The following PPP6R2 variants were observed in gnomAD, a reference collection of about 807,000 sequenced individuals.
PPP6R2 encodes protein phosphatase 6 regulatory subunit 2, also known as serine/threonine-protein phosphatase 6 regulatory subunit 2.
Under a neutral mutation model 100.2 loss-of-function variants are expected in PPP6R2, and 62 were observed. That is an observed-to-expected ratio of 0.62 (90% confidence interval 0.50 to 0.76). The LOEUF is 0.76. PPP6R2 is among the 30% of genes least tolerant of loss of function. The pLI is 0.00. For missense variants in PPP6R2, 1,142 were observed against 1,276.3 expected, an observed-to-expected ratio of 0.89 and a Z score of 1.60; for synonymous variants, 525 against 514.7, an observed-to-expected ratio of 1.02 and a Z score of -0.27.
rs1603388983 is a variant in PPP6R2, at chr22:50,431,495, G to T, written c.1335+113G>T. 8.3e-5 allele frequency: 80 copies of T among 964,090 alleles called. No homozygotes were observed. The South Asian group carries it at 1.2e-3, about 15-fold the overall frequency. The allele number at this position is 964,090 out of a possible 1,614,324, so 59.7% of individuals were successfully genotyped here. ...ACTGTGCAGCTGACACGGGGGCAGG[G>T]CTTTGAAAAGGGTCCCCAGGTGTCT... On this transcript the variant is annotated intron_variant, in intron 11 of 23. Transcript: ENST00000612753. This position sits in a 1 kb window ranked among gnomAD's most constrained non-coding sequence, Gnocchi z 4.8.
chr22:50,377,532 G>A (rs1419482542), intron 2 of PPP6R2, among the ~76,000 whole-genome samples: 1 of 152,132 alleles, frequency 6.6e-6, no homozygotes, highest in Non-Finnish European at 1.5e-5. Flanking sequence ...AAACAGGTCA[G>A]AAGGAATTAC....
chr22:50,356,357 C>T (rs529290381), intron 1 of PPP6R2, among the ~76,000 whole-genome samples: 1 of 145,976 alleles, frequency 6.9e-6, no homozygotes, highest in South Asian at 2.2e-4. Context: ...GGCTGGAATG[C>T]AGTGGAATGA....
intron 3 of PPP6R2, among the ~76,000 whole-genome samples, chr22:50,404,089 A>AT (rs55771128): frequency 0.011 from 1,227 of 116,366 alleles, 20 homozygotes; most frequent in African/African-American, 0.03. Context: ...TGCACATTCT[A>AT]TTTTTTTTTT....
intron 2 of PPP6R2, among the ~76,000 whole-genome samples, chr22:50,387,174 C>T (rs1254001691): frequency 6.6e-6 from 1 of 152,160 alleles, no homozygotes; most frequent in Non-Finnish European, 1.5e-5. Flanking sequence ...GATCCCCCTG[C>T]CTCAGGCTCC....
At chr22:50,340,935 A>G (rs2042363941), upstream of PPP6R2, among the ~76,000 whole-genome samples, 1 of 151,978 alleles carries the variant, frequency 6.6e-6, no homozygotes, top group South Asian at 2.1e-4. Flanking sequence ...AATGAAATAA[A>G]TGACTCGCTC....
upstream of PPP6R2, among the ~76,000 whole-genome samples, chr22:50,342,868 C>T (rs2042559810): frequency 6.6e-6 from 1 of 151,732 alleles, no homozygotes; most frequent in Admixed American, 6.6e-5. Flanking sequence ...GCCTGGCGCC[C>T]GGGGCTGAGC....
At chr22:50,378,314 G>A (rs1301697637) in intron 2 of PPP6R2, among the ~76,000 whole-genome samples, 1 of 152,144 alleles carries the variant, frequency 6.6e-6, no homozygotes, top group African/African-American at 2.4e-5. Context: ...TAGGCTGGGT[G>A]CGGTGGGTCA....
intron 3 of PPP6R2, among the ~76,000 whole-genome samples, chr22:50,397,896 GGGGGCGGGGGGGC>G (rs2148978458): frequency 7.8e-6 from 1 of 127,404 alleles, no homozygotes; most frequent in South Asian, 2.5e-4. Context: ...GACTTGGGAT[GGGGGCGGGGGGGC>G]CTGTCCTCAC....
At chr22:50,410,521 G>T (rs2059599385) in intron 4 of PPP6R2, among the ~76,000 whole-genome samples, 1 of 142,972 alleles carries the variant, frequency 7.0e-6, no homozygotes, top group African/African-American at 2.6e-5. Context: ...CTGTCGTCCA[G>T]GCTGGAGTGC....
At chr22:50,399,023 G>T (rs1164414309) in intron 3 of PPP6R2, among the ~76,000 whole-genome samples, 1 of 151,968 alleles carries the variant, frequency 6.6e-6, no homozygotes, top group Non-Finnish European at 1.5e-5. Flanking sequence ...TGAGGCGGGC[G>T]GATCATGAGG....
intron 1 of PPP6R2, among the ~76,000 whole-genome samples, chr22:50,360,572 C>G (rs2047594750): frequency 6.6e-6 from 1 of 152,136 alleles, no homozygotes; most frequent in Non-Finnish European, 1.5e-5. Flanking sequence ...CTGTGTTGCT[C>G]AGGCTGGTCT....
chr22:50,357,006 A>C (rs2046751231), intron 1 of PPP6R2, among the ~76,000 whole-genome samples: 1 of 152,092 alleles, frequency 6.6e-6, no homozygotes, highest in African/African-American at 2.4e-5. Flanking sequence ...TCCTACTAGT[A>C]ATGGGTGAGA....
intron 22 of PPP6R2, chr22:50,443,116 C>G (rs1392354103): frequency 1.3e-5 from 2 of 152,164 alleles, no homozygotes; most frequent in Admixed American, 1.3e-4. Context: ...CCACTGCACT[C>G]CGGCCTGCGC....
rs146661321 is a variant in PPP6R2, at chr22:50,393,759, C to T, written c.-16-134C>T. On this transcript the variant is annotated intron_variant, in intron 2 of 23. Transcript: ENST00000612753. ...TGTGTTCATGCTGCAGATGGACTTC[C>T]AGGACTTGGGTCTAGTGTTGCTGAG... The T allele has an allele frequency of 1.9e-3, 2,850 of 1,488,220 alleles. 69 individuals carry two copies. In the East Asian group the frequency reaches 0.052, roughly 27 times the overall value. 92.2% of individuals were successfully genotyped at this position (1,488,220 alleles called of 1,614,324 possible). A position where few individuals can be genotyped will look rare whatever the true frequency, so the allele number is the denominator to read the frequency against.
chr22:50,415,992 A>C, intron 5 of PPP6R2, 100 bp from the exon 6 acceptor site: 1 of 1,070,248 alleles, frequency 9.3e-7, no homozygotes, highest in Non-Finnish European at 1.4e-6. Context: ...AAGAGTCTAT[A>C]TTCTAGAAAA....
Position 50,431,505 on chromosome 22 carries a change from G to T in PPP6R2, c.1335+123G>T. Reference sequence around the variant, plus strand: ...TGACACGGGGGCAGGGCTTTGAAAAGGGTCCCCAGGTGTCTGGTCAGACGC... The same window carrying T: ...TGACACGGGGGCAGGGCTTTGAAAATGGTCCCCAGGTGTCTGGTCAGACGC... On this transcript the variant is annotated intron_variant, in intron 11 of 23. Coordinates refer to ENST00000612753, the MANE Select transcript of PPP6R2 (RefSeq NM_001242898.2). The surrounding 1 kb of genome is among the most constrained non-coding windows in gnomAD (Gnocchi z 4.8). 1.2e-6 allele frequency: 1 copy of T among 858,886 alleles called. No individual in the cohort carries two copies. The highest frequency in any genetic ancestry group is 1.8e-6 in the Non-Finnish European group (1 of 562,404). The allele number at this position is 858,886 out of a possible 1,614,324, so 53.2% of individuals were successfully genotyped here. A position where few individuals can be genotyped will look rare whatever the true frequency, so the allele number is the denominator to read the frequency against.
intron 1 of PPP6R2, among the ~76,000 whole-genome samples, chr22:50,353,182 C>T (rs2045697994): frequency 6.6e-6 from 1 of 152,238 alleles, no homozygotes; most frequent in African/African-American, 2.4e-5. Context: ...GCATTCACAA[C>T]TTGGCAAACT....
chr22:50,403,492 A>G (rs2058370938), intron 3 of PPP6R2, among the ~76,000 whole-genome samples: 1 of 152,132 alleles, frequency 6.6e-6, no homozygotes, highest in South Asian at 2.1e-4. Flanking sequence ...CTGACATCCC[A>G]CAGGGTGGGT....
chr22:50,439,117 CG>C (rs1470914515), intron 19 of PPP6R2, among the ~76,000 whole-genome samples: 2 of 152,296 alleles, frequency 1.3e-5, no homozygotes, highest in Middle Eastern at 3.4e-3. Flanking sequence ...CCTTCATGGC[CG>C]ACATCTATGG....
Sources: gnomAD v4.1 joint callset for allele counts (sites outside exome capture counted in the v4.1 genomes callset) on GRCh38, gnomAD v4.1.1 for gene constraint, Gnocchi (gnomAD v3.1) non-coding constraint, MANE v1.5 for transcripts, NCBI Gene and HGNC (gene_info 2026-07-23, HGNC 2026-07-21) for gene names.